The following LRP1 variants were observed in gnomAD, a reference collection of about 807,000 sequenced individuals.
LRP1 encodes LDL receptor related protein 1.
LRP1 carries 51 observed loss-of-function variants against 541.5 expected under a neutral mutation model. The ratio of observed to expected loss-of-function variants is 0.09; its 90% confidence interval spans 0.08 to 0.12. LRP1 has a LOEUF of 0.12. Ranked by LOEUF, LRP1 falls within the 10% of genes least tolerant of loss-of-function variation. The pLI is 1.00. For missense variants in LRP1, 3,878 were observed against 6,376.2 expected (o/e 0.61, Z 13.34); for synonymous variants, 2,219 against 2,470.8 (o/e 0.90, Z 3.02).
chr12:57,143,609 G>A (rs2035340215), intron 3 of LRP1, 70 bp from the exon 4 acceptor site: 1 of 1,560,314 alleles, frequency 6.4e-7, no homozygotes. Flanking sequence ...GGGTTTAGGG[G>A]AAGGTTGTGG....
At chr12:57,136,706 G>A (rs1282241452) in intron 1 of LRP1, among the ~76,000 whole-genome samples, 1 of 152,210 alleles carries the variant, frequency 6.6e-6, no homozygotes, top group African/African-American at 2.4e-5. Flanking sequence ...TAGAGGTTGG[G>A]AGGAGTGGGA....
At position 57,205,156 on chromosome 12, in the gene LRP1, C is replaced by G; in HGVS notation, c.11242C>G (p.Leu3748Val). The G allele has an allele frequency of 6.2e-7, 1 of 1,614,004 alleles. No individual in the cohort carries two copies. Among genetic ancestry groups the G allele is most frequent in the Non-Finnish European group, 8.5e-7 (1 of 1,180,008 alleles). ...CCACTGCAAAGACAAGAAGGAGTTT[C>G]TGTGCCGGAACCAGCGCTGCCTCTC... The part of the protein sequence containing the change: ...TTHCKDKKEF[L>V]CRNQRCLSSS... The change falls in exon 73 of 89, where the codon CTG (leucine) becomes GTG (valine). Residue 3748 changes from leucine (L) to valine (V), a missense_variant. By Grantham distance (32) the Leu-to-Val change is conservative. Around this residue, in one of 13 missense-constraint regions of LRP1, gnomAD observed 871 missense variants for 1,212.4 expected, o/e 0.72. Coordinates refer to ENST00000243077, the MANE Select transcript of LRP1 (RefSeq NM_002332.3). The surrounding 1 kb of genome is among the most constrained non-coding windows in gnomAD (Gnocchi z 4.6).
intron 2 of LRP1, among the ~76,000 whole-genome samples, chr12:57,140,160 A>C (rs1219215808): frequency 6.6e-6 from 1 of 151,892 alleles, no homozygotes; most frequent in Non-Finnish European, 1.5e-5. Flanking sequence ...GGCTGATCTC[A>C]AACTCCTGAC....
chr12:57,181,175 C>T lies in LRP1; in HGVS notation c.5546C>T (p.Pro1849Leu), dbSNP rs1317953098. The change falls in exon 34 of 89, where the codon CCC (proline) becomes CTC (leucine). Residue 1849 changes from proline to leucine, a missense_variant. Around this residue, in one of 13 missense-constraint regions of LRP1, gnomAD observed 394 missense variants for 635.9 expected, o/e 0.62. Transcript: ENST00000243077. ...CCCCCAGACCATAAGGGCACCAACC[C>T]CTGCAGTGTCAACAACGGTGACTGC... Reference protein sequence around the residue: ...SIQLDHKGTNPCSVNNGDCSQ... With the variant: ...SIQLDHKGTNLCSVNNGDCSQ... 1 of 1,613,738 alleles carries T rather than the reference C, an allele frequency of 6.2e-7. No homozygotes were observed.
In LRP1 at chr12:57,154,701, G is replaced by A; in HGVS notation, c.1227G>A (p.Leu409=). ...KGRQTIIQGI[L]IEHLYGLTVF... ...GCCAGACCATCATCCAGGGCATCCT[G>A]GTGAGGGAGCTACTGTCTGAGGTTT... Residue 409 remains leucine, a splice_region_variant and synonymous_variant, in exon 8 of 89, where the codon CTG becomes CTA. Transcript: ENST00000243077. The surrounding 1 kb of genome is among the most constrained non-coding windows in gnomAD (Gnocchi z 4.6). The A allele has an allele frequency of 6.4e-7, 1 of 1,555,938 alleles. No individual in the cohort carries two copies. The highest frequency in any genetic ancestry group is 8.7e-7 in the Non-Finnish European group (1 of 1,149,340).
chr12:57,209,022 C>T, intron 78 of LRP1, 61 bp from the exon 79 acceptor site: 1 of 1,413,768 alleles, frequency 7.1e-7, no homozygotes, highest in South Asian at 1.2e-5. Context: ...GGAGGCAGTT[C>T]TTTCCACCCC....
At chr12:57,180,196 G>A in intron 31 of LRP1, 55 bp downstream of exon 31, 1 of 1,589,004 alleles carries the variant, frequency 6.3e-7, no homozygotes, top group Non-Finnish European at 8.6e-7. Context: ...TGACCAGCAG[G>A]TGCTTGCAGG....
intron 6 of LRP1, chr12:57,146,628 C>G (rs2035412392): frequency 6.6e-6 from 1 of 152,238 alleles, no homozygotes; most frequent in Non-Finnish European, 1.5e-5. Flanking sequence ...AGAGCCCTCA[C>G]TCTCCGTGGC....
At chr12:57,202,215 C>T (rs2036671323) in intron 67 of LRP1, among the ~76,000 whole-genome samples, 1 of 152,168 alleles carries the variant, frequency 6.6e-6, no homozygotes, top group South Asian at 2.1e-4. Context: ...AGGCAGCTGC[C>T]CACACACACA....
At position 57,169,200 on chromosome 12, in the gene LRP1, A is replaced by G; in HGVS notation, c.3056A>G (p.Gln1019Arg). Residue 1019 changes from glutamine to arginine, a missense_variant, in exon 20 of 89, where the codon CAG becomes CGG. Transcript: ENST00000243077. The part of the protein sequence containing the change: ...AGCSHSCSST[Q>R]FKCNSGRCIP... ...TGCAGCCACTCCTGTTCTAGCACCCAGTTCAAGTGCAACAGCGGGCGTTGC... is the reference window on the plus strand; with the variant it reads ...TGCAGCCACTCCTGTTCTAGCACCCGGTTCAAGTGCAACAGCGGGCGTTGC... The G allele has an allele frequency of 6.2e-7, 1 of 1,614,066 alleles. No individual in the cohort carries two copies. The highest frequency in any genetic ancestry group is 1.1e-5 in the South Asian group (1 of 91,082).
At chr12:57,134,815 C>G (rs1210778747) in intron 1 of LRP1, among the ~76,000 whole-genome samples, 3 of 152,204 alleles carry the variant, frequency 2.0e-5, no homozygotes, top group African/African-American at 7.2e-5. Context: ...ACGCCATTCT[C>G]CTGCCTCAGC....
chr12:57,132,952 C>T (rs1592596998), intron 1 of LRP1, among the ~76,000 whole-genome samples: 1 of 152,220 alleles, frequency 6.6e-6, no homozygotes, highest in East Asian at 1.9e-4. Flanking sequence ...CTCCACTTTC[C>T]TCCGACTTCC....
chr12:57,192,790 T>A, intron 44 of LRP1, 55 bp from the exon 45 acceptor site: 1 of 1,608,318 alleles, frequency 6.2e-7, no homozygotes. Context: ...GCACTCTGGG[T>A]GCATGCACAG....
chr12:57,180,036 C>T lies in LRP1; in HGVS notation c.5142-11C>T. The T allele has an allele frequency of 6.2e-7, 1 of 1,613,724 alleles. No individual in the cohort carries two copies. Among genetic ancestry groups the T allele is most frequent in the Admixed American group, 1.7e-5 (1 of 60,016 alleles). ...GACCCTGACCTTTCCCTCTTGGCAC[C>T]CTCCCCCCAGGAAGCTCTACTGGAC... On this transcript the variant is annotated splice_polypyrimidine_tract_variant and intron_variant, in intron 30 of 88. Coordinates refer to ENST00000243077, the MANE Select transcript of LRP1 (RefSeq NM_002332.3).
chr12:57,208,610 C>T, intron 77 of LRP1, 101 bp from the exon 78 acceptor site: 1 of 706,088 alleles, frequency 1.4e-6, no homozygotes. Context: ...CCTCCCAGTC[C>T]CCAGCAGTCC....
chr12:57,185,928 C>A lies in LRP1; in HGVS notation c.6841+20C>A. 1.2e-6 allele frequency: 2 copies of A among 1,601,826 alleles called. No homozygotes were observed. Among genetic ancestry groups the A allele is most frequent in the Non-Finnish European group, 8.5e-7 (1 of 1,172,422 alleles). The stretch of plus-strand genomic sequence containing the variant: ...TGGAAAGTGAGCCCAGACCCTAAGT[C>A]TTCCCAGGAAGTGGGACATGGGGCG... On this transcript the variant is annotated intron_variant, in intron 41 of 88. Coordinates refer to ENST00000243077, the MANE Select transcript of LRP1 (RefSeq NM_002332.3). The surrounding 1 kb of genome is among the most constrained non-coding windows in gnomAD (Gnocchi z 4.9).
At position 57,179,967 on chromosome 12, in the gene LRP1, G is replaced by A; in HGVS notation, c.5141+11G>A. The A allele has an allele frequency of 6.2e-7, 1 of 1,613,970 alleles. No homozygotes were observed. Among genetic ancestry groups the A allele is most frequent in the South Asian group, 1.1e-5 (1 of 91,080 alleles). On this transcript the variant is annotated intron_variant, in intron 30 of 88. Coordinates refer to ENST00000243077, the MANE Select transcript of LRP1 (RefSeq NM_002332.3). The surrounding 1 kb of genome is among the most constrained non-coding windows in gnomAD (Gnocchi z 6.8). ...CCACCCTCTGCGTGGGTCAGTCTAG[G>A]GCCCAGGGCCGGGGAGCATGGGGTG...
In LRP1 at chr12:57,173,186, G is replaced by A; in HGVS notation, c.3182G>A (p.Gly1061Asp). Residue 1061 changes from glycine to aspartate, a missense_variant, in exon 21 of 89, where the codon GGC becomes GAC. Gly to Asp is a moderately conservative substitution (Grantham distance 94, BLOSUM62 -1). Around this residue, in one of 13 missense-constraint regions of LRP1, gnomAD observed 320 missense variants for 547.9 expected, o/e 0.58. Transcript: ENST00000243077. This position sits in a 1 kb window ranked among gnomAD's most constrained non-coding sequence, Gnocchi z 4.7. ...CTNQATRPPG[G>D]CHTDEFQCRL... is the part of the protein sequence containing the mutation. ...TCTGCAGCCACGAGGCCCCCTGGTG[G>A]CTGCCACACTGATGAGTTCCAGTGC... is the stretch of plus-strand genomic sequence containing the variant. 1 of 1,609,756 alleles carries A rather than the reference G, an allele frequency of 6.2e-7. No individual in the cohort carries two copies.
chr12:57,162,418 G>A lies in LRP1; in HGVS notation c.2304G>A (p.Leu768=), dbSNP rs370424174. 6.2e-7 allele frequency: 1 copy of A among 1,614,152 alleles called. No individual in the cohort carries two copies. The highest frequency in any genetic ancestry group is 8.5e-7 in the Non-Finnish European group (1 of 1,180,032). The change falls in exon 14 of 89, where the codon TTG becomes TTA. Residue 768 remains leucine (L), a synonymous_variant. Transcript: ENST00000243077. The surrounding 1 kb of genome is among the most constrained non-coding windows in gnomAD (Gnocchi z 5.2). ...ATCGGAGTGGCAGTGTCTACCGCTT[G>A]GAACGGGGTGTAGGAGGCGCACCCC... ...TEYRSGSVYR[L]ERGVGGAPPT...
Sources: gnomAD v4.1 joint callset for allele counts (sites outside exome capture counted in the v4.1 genomes callset) on GRCh38, gnomAD v4.1.1 for gene constraint, gnomAD v4.1.1 regional missense constraint, Gnocchi (gnomAD v3.1) non-coding constraint, MANE v1.5 for transcripts, NCBI Gene and HGNC (gene_info 2026-07-23, HGNC 2026-07-21) for gene names.